NNT: variants seen among roughly 807,000 people sequenced by gnomAD.
NNT encodes NAD(P) transhydrogenase, mitochondrial.
NNT carries 50 observed loss-of-function variants against 104.8 expected under a neutral mutation model. The observed-to-expected ratio is 0.48, with a 90% CI of 0.38 to 0.60. The LOEUF (loss-of-function observed/expected upper bound fraction) is 0.60. NNT is among the 20% of genes least tolerant of loss of function. NNT has a pLI of 0.00. For synonymous variants in NNT, 461 were observed against 490.4 expected, an observed-to-expected ratio of 0.94 and a Z score of 0.79; for missense variants, 1,131 against 1,330.7, an observed-to-expected ratio of 0.85 and a Z score of 2.33.
chr5:43,700,024 C>A, intron 19 of NNT, 95 bp from the exon 20 acceptor site: 1 of 892,996 alleles, frequency 1.1e-6, no homozygotes, highest in South Asian at 1.8e-5. Context: ...GCAGAGGTGC[C>A]AAGAACAAAG....
intron 20 of NNT, among the ~76,000 whole-genome samples, chr5:43,701,201 A>T (rs1259973090): frequency 1.3e-5 from 2 of 152,022 alleles, no homozygotes; most frequent in African/African-American, 4.8e-5. Context: ...TGAGCATAGT[A>T]CCCCACAGTT....
intron 19 of NNT, among the ~76,000 whole-genome samples, chr5:43,684,801 G>A (rs577972197): frequency 2.0e-5 from 3 of 152,228 alleles, no homozygotes; most frequent in Non-Finnish European, 4.4e-5. Flanking sequence ...TGATCAGCAT[G>A]TGATAAACCA....
Position 43,700,110 on chromosome 5 carries a change from C to T in NNT, c.2877-9C>T, listed in dbSNP as rs1196278333. The T allele has an allele frequency of 1.2e-6, 2 of 1,606,550 alleles. No individual in the cohort carries two copies. The highest frequency in any genetic ancestry group is 1.7e-5 in the Admixed American group (1 of 59,584). ...AGTAAGGCCAGCTCTTCATTTGTTTCATGTCTAGGTTTGGAATTCACCCAG... is the reference window on the plus strand; with the variant it reads ...AGTAAGGCCAGCTCTTCATTTGTTTTATGTCTAGGTTTGGAATTCACCCAG... On this transcript the variant is annotated splice_polypyrimidine_tract_variant and intron_variant, in intron 19 of 21. Coordinates refer to ENST00000344920, the MANE Select transcript of NNT (RefSeq NM_182977.3).
chr5:43,681,984 C>T (rs975609814), intron 19 of NNT, among the ~76,000 whole-genome samples: 18 of 152,174 alleles, frequency 1.2e-4, no homozygotes, highest in African/African-American at 3.6e-4. Flanking sequence ...CTTTTTACAA[C>T]CTGAAATATC....
At chr5:43,658,825 C>CTG (rs1355767920) in intron 16 of NNT, among the ~76,000 whole-genome samples, 1 of 152,180 alleles carries the variant, frequency 6.6e-6, no homozygotes, top group Non-Finnish European at 1.5e-5. Context: ...CTGGTACCAA[C>CTG]AGGGGATTGC....
intron 18 of NNT, 72 bp from the exon 19 acceptor site, chr5:43,677,651 CAA>C (rs1741488966): frequency 7.6e-7 from 1 of 1,319,858 alleles, no homozygotes; most frequent in South Asian, 1.2e-5. Context: ...GTGTTTTCAT[CAA>C]GAGAGAAGTT....
intron 16 of NNT, 57 bp from the exon 17 acceptor site, chr5:43,659,114 T>C (rs764580904): frequency 4.8e-6 from 7 of 1,468,308 alleles, no homozygotes; most frequent in Non-Finnish European, 6.4e-6. Context: ...ATGTTAAATG[T>C]CAGAGGTTTT....
At position 43,616,020 on chromosome 5, in the gene NNT, T is replaced by C. The variant is rs1749767455; in HGVS notation, c.554T>C (p.Ile185Thr). 6.2e-7 allele frequency: 1 copy of C among 1,614,000 alleles called. No individual in the cohort carries two copies. The change falls in exon 4 of 22, where the codon ATT (isoleucine) becomes ACT (threonine). Residue 185 changes from isoleucine (I) to threonine (T), a missense_variant. By Grantham distance (89) the Ile-to-Thr change is moderately conservative. Transcript: ENST00000344920. ...ATGGACCAGGTTCCAAGAGTCACAA[T>C]TGCTCAGGGATATGATGCGCTAAGC... is the stretch of plus-strand genomic sequence containing the variant. ...LAMDQVPRVTIAQGYDALSSM... is the reference protein window; with the variant it reads ...LAMDQVPRVTTAQGYDALSSM...
intron 7 of NNT, among the ~76,000 whole-genome samples, chr5:43,630,434 A>G (rs1483851368): frequency 6.6e-6 from 1 of 152,210 alleles, no homozygotes; most frequent in African/African-American, 2.4e-5. Flanking sequence ...ATTTTTCTAT[A>G]TATGTGAGAG....
intron 19 of NNT, among the ~76,000 whole-genome samples, chr5:43,692,385 G>A (rs931988058): frequency 3.9e-5 from 6 of 151,902 alleles, no homozygotes; most frequent in African/African-American, 1.2e-4. Context: ...GTGCAGTGGC[G>A]CGATCCCAGC....
chr5:43,642,060 A>G (rs1751267102), intron 7 of NNT, among the ~76,000 whole-genome samples: 1 of 152,218 alleles, frequency 6.6e-6, no homozygotes, highest in African/African-American at 2.4e-5. Flanking sequence ...CAGGAGAAAG[A>G]AGGAGTCTCA....
At chr5:43,635,689 C>T (rs1003505305) in intron 7 of NNT, among the ~76,000 whole-genome samples, 8 of 152,160 alleles carry the variant, frequency 5.3e-5, no homozygotes, top group Non-Finnish European at 8.8e-5. Flanking sequence ...TGGCTGCCCT[C>T]TTGCTGTGTC....
intron 21 of NNT, 150 bp downstream of exon 21, chr5:43,702,886 A>G (rs1742933406): frequency 1.8e-6 from 1 of 556,100 alleles, no homozygotes; most frequent in African/African-American, 1.9e-5. Context: ...TCCTATATCC[A>G]GCTTCTGTCT....
At position 43,704,699 on chromosome 5, in the gene NNT, G is replaced by A; in HGVS notation, c.*295G>A. 3.8e-6 allele frequency: 1 copy of A among 262,174 alleles called. No individual in the cohort carries two copies. Among genetic ancestry groups the A allele is most frequent in the Non-Finnish European group, 7.3e-6 (1 of 137,474 alleles). 16.2% of individuals were successfully genotyped at this position (262,174 alleles called of 1,614,324 possible). A position where few individuals can be genotyped will look rare whatever the true frequency, so the allele number is the denominator to read the frequency against. ...GCCTCATTTTAGATGTAGTCCTGTT[G>A]GATTTTTTATGCCTCCTCAGTAACC... On this transcript the variant is annotated 3_prime_UTR_variant, in exon 22 of 22. Transcript: ENST00000344920.
At chr5:43,650,454 C>A (rs1280619742) in intron 11 of NNT, 23 bp from the exon 12 acceptor site, 1 of 1,546,578 alleles carries the variant, frequency 6.5e-7, no homozygotes, top group Admixed American at 1.7e-5. Flanking sequence ...TCACTATTAA[C>A]CATGTTAATG....
At chr5:43,652,693 G>A (rs1739826303) in intron 13 of NNT, among the ~76,000 whole-genome samples, 1 of 152,016 alleles carries the variant, frequency 6.6e-6, no homozygotes, top group African/African-American at 2.4e-5. Context: ...TCCCTCTTGT[G>A]GATCTCATGA....
intron 10 of NNT, among the ~76,000 whole-genome samples, chr5:43,645,962 C>T (rs918345903): frequency 6.6e-6 from 1 of 151,748 alleles, no homozygotes; most frequent in Admixed American, 6.6e-5. Flanking sequence ...ATCTGCCCGC[C>T]TCAGCCTCCC....
At chr5:43,680,109 T>C (rs1334892644) in intron 19 of NNT, among the ~76,000 whole-genome samples, 2 of 152,060 alleles carry the variant, frequency 1.3e-5, no homozygotes, top group Non-Finnish European at 2.9e-5. Flanking sequence ...CTTGCTAAAA[T>C]TATGACAGCA....
At chr5:43,692,392 C>T (rs1742334092) in intron 19 of NNT, among the ~76,000 whole-genome samples, 1 of 152,100 alleles carries the variant, frequency 6.6e-6, no homozygotes, top group South Asian at 2.1e-4. Context: ...GGCGCGATCC[C>T]AGCTCACTGC....
Sources: allele counts gnomAD v4.1 joint callset (sites outside exome capture counted in the v4.1 genomes callset), GRCh38; gene constraint gnomAD v4.1.1; transcripts MANE v1.5; gene names NCBI Gene and HGNC (gene_info 2026-07-23, HGNC 2026-07-21).